The following HMGXB4 variants were observed in gnomAD, a reference collection of about 807,000 sequenced individuals.
HMGXB4 encodes HMG domain-containing protein 4.
In HMGXB4, 27 loss-of-function variants were observed where a neutral mutation model predicts 63.9. The observed-to-expected ratio is 0.42, with a 90% confidence interval of 0.31 to 0.58. The LOEUF is 0.58. Among genes scored for constraint, HMGXB4 ranks in the 20% least tolerant of loss-of-function variants. The probability of loss-of-function intolerance (pLI) is 0.13; values close to 1 mark genes in which losing one functional copy is unlikely to be tolerated. For synonymous variants in HMGXB4, 264 were observed against 265.3 expected (o/e 0.99, Z 0.05); for missense variants, 624 against 700.7 (o/e 0.89, Z 1.24).
chr22:35,262,198 A>C (rs985231224), intron 1 of HMGXB4, 125 bp from the exon 2 acceptor site: 7 of 633,008 alleles, frequency 1.1e-5, no homozygotes, highest in Non-Finnish European at 2.0e-5. Context: ...AGGAGGTGAC[A>C]AGACACTTTT....
intron 5 of HMGXB4, among the ~76,000 whole-genome samples, chr22:35,282,134 A>G (rs1200017199): frequency 2.6e-5 from 4 of 152,180 alleles, no homozygotes; most frequent in Non-Finnish European, 4.4e-5. Flanking sequence ...CTTAAGGCAA[A>G]CAAAAGCCCC....
chr22:35,287,062 G>T (rs6518948), intron 7 of HMGXB4: 173,927 of 311,400 alleles, frequency 0.56, 52,774 homozygotes, highest in Non-Finnish European at 0.65. Flanking sequence ...TTGAGCCAGA[G>T]GTTTAATCTG....
At chr22:35,271,053 A>G (rs2146414289) in intron 5 of HMGXB4, among the ~76,000 whole-genome samples, 1 of 152,128 alleles carries the variant, frequency 6.6e-6, no homozygotes, top group Admixed American at 6.5e-5. Flanking sequence ...CAAGCCCAAG[A>G]GTTTGAGACC....
intron 9 of HMGXB4, among the ~76,000 whole-genome samples, chr22:35,290,744 TTA>T (rs1924889370): frequency 6.6e-6 from 1 of 152,146 alleles, no homozygotes; most frequent in African/African-American, 2.4e-5. Context: ...CTCTGCAATT[TTA>T]TAATTTCCAC....
chr22:35,280,145 C>CT (rs35288294), intron 5 of HMGXB4, among the ~76,000 whole-genome samples: 76,912 of 151,916 alleles, frequency 0.51, 22,616 homozygotes, highest in Non-Finnish European at 0.65. Flanking sequence ...GCAAAATCCC[C>CT]TTGCCATATA....
rs778144838 is a variant in HMGXB4, at chr22:35,265,498, A to C, written c.1110A>C (p.Gly370=). 3 of 1,613,846 alleles carry C rather than the reference A, an allele frequency of 1.9e-6. No homozygotes were observed. The South Asian group carries it at 3.3e-5, about 18-fold the overall frequency. ...CTCCTCCCAGCATCCCATACGCTGG[A>C]GCAGCAGCACCTCCCCTGCCACTTC... ...SGPPPSIPYA[G]AAAPPLPLPG... is the part of the protein sequence containing the mutation. The change falls in exon 5 of 11, where the codon GGA becomes GGC. Residue 370 remains glycine, a synonymous_variant. Transcript: ENST00000216106.
At chr22:35,245,237 C>G in the HMGXB4 span, among the ~76,000 whole-genome samples, 1 of 152,034 alleles carries the variant, frequency 6.6e-6, no homozygotes, top group African/African-American at 2.4e-5. Flanking sequence ...TCTGCTCCAC[C>G]TCCATTCTGC....
chr22:35,280,845 C>G (rs780757867), intron 5 of HMGXB4, among the ~76,000 whole-genome samples: 1 of 152,184 alleles, frequency 6.6e-6, no homozygotes, highest in Non-Finnish European at 1.5e-5. Flanking sequence ...ACCCAACTCT[C>G]TGGTTTAGAT....
intron 2 of HMGXB4, 133 bp downstream of exon 2, chr22:35,262,554 ACT>A: frequency 4.3e-6 from 4 of 924,100 alleles, no homozygotes; most frequent in South Asian, 4.3e-5. Context: ...CTGTTATGAC[ACT>A]CAGCCTCCAC....
chr22:35,275,110 CTTTTTTTTTTTT>C (rs59290559), intron 5 of HMGXB4, among the ~76,000 whole-genome samples: 27 of 103,538 alleles, frequency 2.6e-4, no homozygotes, highest in African/African-American at 9.6e-4. Flanking sequence ...CACCAAATTT[CTTTTTTTTTTTT>C]TTTTTTTTTT....
chr22:35,259,571 A>G (rs769186503), intron 1 of HMGXB4, among the ~76,000 whole-genome samples: 1 of 152,152 alleles, frequency 6.6e-6, no homozygotes, highest in Non-Finnish European at 1.5e-5. Context: ...TGTTGCCTGA[A>G]CTCTGCCTTT....
intron 5 of HMGXB4, among the ~76,000 whole-genome samples, chr22:35,269,533 G>A (rs751315577): frequency 5.3e-5 from 8 of 152,166 alleles, no homozygotes; most frequent in Non-Finnish European, 8.8e-5. Flanking sequence ...AGTATATGTC[G>A]AATGAATATG....
In HMGXB4 at chr22:35,265,291, A is replaced by G. The variant is rs1923146320; in HGVS notation, c.903A>G (p.Glu301=). ...LVESDSSSGG[E]LEAGELVIDD... ...AATCAGACTCATCCTCTGGTGGGGA[A>G]CTAGAGGCTGGGGAGTTAGTGATAG... The change falls in exon 5 of 11, where the codon GAA becomes GAG. Residue 301 remains glutamate, a synonymous_variant. Transcript: ENST00000216106. 1 of 1,614,096 alleles carries G rather than the reference A, an allele frequency of 6.2e-7. No individual in the cohort carries two copies. Among genetic ancestry groups the G allele is most frequent in the Non-Finnish European group, 8.5e-7 (1 of 1,180,008 alleles).
intron 10 of HMGXB4, 32 bp from the exon 11 acceptor site, chr22:35,293,573 ACT>A: frequency 6.7e-7 from 1 of 1,484,586 alleles, no homozygotes; most frequent in Non-Finnish European, 9.4e-7. Context: ...AAGGTACAGT[ACT>A]CTTCAGTTGA....
intron 1 of HMGXB4, among the ~76,000 whole-genome samples, chr22:35,261,010 T>A (rs2146396701): frequency 6.6e-6 from 1 of 152,338 alleles, no homozygotes; most frequent in African/African-American, 2.4e-5. Context: ...AAAATTAAAT[T>A]TAAATAAATG....
the HMGXB4 span, among the ~76,000 whole-genome samples, chr22:35,246,322 TAG>T: frequency 6.6e-6 from 1 of 152,050 alleles, no homozygotes; most frequent in Admixed American, 6.5e-5. Context: ...TCGCCCAGGA[TAG>T]AGTGCAGTGG....
At chr22:35,259,115 AGG>A (rs1922668880) in intron 1 of HMGXB4, among the ~76,000 whole-genome samples, 1 of 152,248 alleles carries the variant, frequency 6.6e-6, no homozygotes, top group Non-Finnish European at 1.5e-5. Flanking sequence ...CTTATCTACC[AGG>A]GAAAGAGCAA....
At chr22:35,271,597 A>G (rs1923608158) in intron 5 of HMGXB4, among the ~76,000 whole-genome samples, 1 of 152,198 alleles carries the variant, frequency 6.6e-6, no homozygotes, top group South Asian at 2.1e-4. Flanking sequence ...CTCTAAGTTG[A>G]GGATAACAGA....
At chr22:35,278,074 G>C (rs1924018474) in intron 5 of HMGXB4, among the ~76,000 whole-genome samples, 1 of 152,182 alleles carries the variant, frequency 6.6e-6, no homozygotes, top group South Asian at 2.1e-4. Flanking sequence ...GCCTTTTCCA[G>C]AATGCCACAT....
Sources: gnomAD v4.1 joint callset for allele counts (sites outside exome capture counted in the v4.1 genomes callset) on GRCh38, gnomAD v4.1.1 for gene constraint, MANE v1.5 for transcripts, NCBI Gene and HGNC (gene_info 2026-07-23, HGNC 2026-07-21) for gene names.